The following CPNE1 variants were observed in gnomAD, a reference collection of about 807,000 sequenced individuals.
CPNE1 encodes copine 1, also known as copine-1.
A neutral mutation model predicts 63.2 loss-of-function variants in CPNE1; 58 were observed. The observed-to-expected ratio is 0.92, with a 90% CI of 0.74 to 1.14. The LOEUF (loss-of-function observed/expected upper bound fraction) is 1.14. Ranked by LOEUF, CPNE1 falls within the 50% of genes most tolerant of loss-of-function variation. CPNE1 has a pLI of 0.00. For missense variants in CPNE1, 672 were observed against 661.7 expected, an observed-to-expected ratio of 1.02 and a Z score of -0.17; for synonymous variants, 237 against 249.0, an observed-to-expected ratio of 0.95 and a Z score of 0.45.
intron 12 of CPNE1, 43 bp downstream of exon 12, chr20:35,630,698 C>A: frequency 6.2e-7 from 1 of 1,606,806 alleles, no homozygotes; most frequent in Non-Finnish European, 8.5e-7. Flanking sequence ...AAATCAGGAC[C>A]CTGAAACTGA....
At chr20:35,626,447 C>G in intron 15 of CPNE1, 66 bp from the exon 16 acceptor site, 1 of 1,602,564 alleles carries the variant, frequency 6.2e-7, no homozygotes, top group Non-Finnish European at 8.5e-7. Context: ...ATTTCATGCT[C>G]AAGAACCCAA....
At chr20:35,663,643 A>G (rs2034358226) in intron 1 of CPNE1, among the ~76,000 whole-genome samples, 1 of 152,196 alleles carries the variant, frequency 6.6e-6, no homozygotes, top group African/African-American at 2.4e-5. Context: ...AATTCTCAGC[A>G]TGACACCACG....
chr20:35,630,616 T>G (rs2032059976), intron 12 of CPNE1, 125 bp downstream of exon 12: 1 of 1,448,386 alleles, frequency 6.9e-7, no homozygotes, highest in Admixed American at 1.7e-5. Context: ...TCTACGTGCC[T>G]GCAGGAATCC....
At chr20:35,654,499 A>G (rs1288712631) in intron 1 of CPNE1, 8 of 1,614,116 alleles carry the variant, frequency 5.0e-6, no homozygotes, top group Middle Eastern at 1.6e-4. Flanking sequence ...ACCAAGAAAC[A>G]TAGGATTCAG....
chr20:35,629,768 C>T (rs1461324018), intron 13 of CPNE1, among the ~76,000 whole-genome samples: 1 of 151,918 alleles, frequency 6.6e-6, no homozygotes, highest in African/African-American at 2.4e-5. Flanking sequence ...AGGTGATCCT[C>T]CCACCTCAGC....
chr20:35,663,894 C>G (rs1168991956), intron 1 of CPNE1, among the ~76,000 whole-genome samples: 2 of 152,194 alleles, frequency 1.3e-5, no homozygotes, highest in Non-Finnish European at 2.9e-5. Context: ...ACTCAATTAA[C>G]TCTCCATCAA....
intron 1 of CPNE1, among the ~76,000 whole-genome samples, chr20:35,644,970 G>C (rs2033023685): frequency 6.6e-6 from 1 of 152,110 alleles, no homozygotes; most frequent in South Asian, 2.1e-4. Context: ...GACATCTATA[G>C]GGTAGTCAAT....
At chr20:35,657,947 A>G (rs1458852198) in intron 1 of CPNE1, among the ~76,000 whole-genome samples, 1 of 152,166 alleles carries the variant, frequency 6.6e-6, no homozygotes, top group Non-Finnish European at 1.5e-5. Flanking sequence ...CTGTAATCCC[A>G]GCTACTAGGG....
chr20:35,654,719 T>C (rs146171962), intron 1 of CPNE1: 42 of 1,613,548 alleles, frequency 2.6e-5, no homozygotes, highest in African/African-American at 9.3e-5. Context: ...ATGGATGGCA[T>C]TGGTGGCAGA....
In CPNE1 at chr20:35,626,569, T is replaced by C. The variant is rs1157233441; in HGVS notation, c.1471A>G (p.Asn491Asp). The C allele has an allele frequency of 6.2e-7, 1 of 1,613,818 alleles. No homozygotes were observed. The highest frequency in any genetic ancestry group is 8.5e-7 in the Non-Finnish European group (1 of 1,179,744). Residue 491 changes from asparagine to aspartate, a missense_variant and splice_region_variant, in exon 15 of 16, where the codon AAT becomes GAT. By Grantham distance (23) the Asn-to-Asp change is conservative. Transcript: ENST00000397443. The part of the protein sequence containing the change: ...VQFVPYRRFQ[N>D]APREALAQTV... ...AGATCAAATTTGCACCTACTCACAT[T>C]CTGGAACCGGCGGTAGGGTACAAAC...
intron 1 of CPNE1, chr20:35,651,703 A>G (rs1438139872): frequency 6.6e-6 from 1 of 152,630 alleles, no homozygotes; most frequent in Non-Finnish European, 1.5e-5. Flanking sequence ...GATACCATCC[A>G]AACAACATGA....
chr20:35,650,358 G>A (rs1398497553), intron 1 of CPNE1: 1 of 152,238 alleles, frequency 6.6e-6, no homozygotes, highest in Non-Finnish European at 1.5e-5. Flanking sequence ...AAGAATGTAC[G>A]AACATATAAC....
chr20:35,632,380 C>T lies in CPNE1; in HGVS notation c.315G>A (p.Val105=). 6.2e-7 allele frequency: 1 copy of T among 1,614,028 alleles called. No individual in the cohort carries two copies. The highest frequency in any genetic ancestry group is 8.5e-7 in the Non-Finnish European group (1 of 1,179,950). ...AGGGGAGAGTCAGTACCTGGCTGGACACAATCTGGGGAAAAGCAGGGAAGG... is the reference window on the plus strand; with the variant it reads ...AGGGGAGAGTCAGTACCTGGCTGGATACAATCTGGGGAAAAGCAGGGAAGG... ...GGAECSLGQI[V]SSQVLTLPLM... Residue 105 remains valine (V), a synonymous_variant, in exon 4 of 16, where the codon GTG becomes GTA. Transcript: ENST00000397443.
Position 35,630,069 on chromosome 20 carries a change from C to A in CPNE1, c.1102+370G>T, listed in dbSNP as rs6058285. ...AGCACTTTGGGAGGCCAAGGCAGGT[C>A]AATCACCTGAGGTCAGGAATTCGAG... is the stretch of plus-strand genomic sequence containing the variant. On this transcript the variant is annotated intron_variant, in intron 13 of 15. Coordinates refer to ENST00000397443, the MANE Select transcript of CPNE1 (RefSeq NM_152925.3). Among the ~76,000 whole-genome samples the A allele has an allele frequency of 2.0e-5, 3 of 151,886 alleles. No homozygotes were observed. The South Asian group carries it at 6.2e-4, about 32-fold the overall frequency.
chr20:35,636,292 C>T (rs2032480674), intron 1 of CPNE1, among the ~76,000 whole-genome samples: 2 of 152,220 alleles, frequency 1.3e-5, no homozygotes, highest in Non-Finnish European at 2.9e-5. Flanking sequence ...ACAATCTGAA[C>T]TCCATGCATG....
chr20:35,653,068 G>A (rs2033644534), intron 1 of CPNE1: 2 of 1,613,818 alleles, frequency 1.2e-6, no homozygotes, highest in Non-Finnish European at 1.7e-6. Context: ...AGGCATACCA[G>A]GCCTAGCATC....
intron 1 of CPNE1, chr20:35,654,095 T>C (rs780229661): frequency 3.1e-6 from 5 of 1,614,238 alleles, no homozygotes; most frequent in East Asian, 2.2e-5. Flanking sequence ...GATTTTGACC[T>C]GGGAAGTGTC....
intron 1 of CPNE1, among the ~76,000 whole-genome samples, chr20:35,656,634 A>G (rs983047049): frequency 6.6e-6 from 1 of 152,344 alleles, no homozygotes. Flanking sequence ...TCCCAGGTTC[A>G]AGTAATTCTC....
At chr20:35,635,637 C>G (rs1170059262) in intron 1 of CPNE1, among the ~76,000 whole-genome samples, 1 of 152,162 alleles carries the variant, frequency 6.6e-6, no homozygotes, top group African/African-American at 2.4e-5. Context: ...GGCCCATATA[C>G]CTGAAGACCA....
Sources: allele counts gnomAD v4.1 joint callset (sites outside exome capture counted in the v4.1 genomes callset), GRCh38; gene constraint gnomAD v4.1.1; transcripts MANE v1.5; gene names NCBI Gene and HGNC (gene_info 2026-07-23, HGNC 2026-07-21).